The following TACC2 variants were observed in gnomAD, a reference collection of about 807,000 sequenced individuals.
TACC2 encodes the protein transforming acidic coiled-coil containing protein 2.
TACC2 carries 137 observed loss-of-function variants against 227.3 expected under a neutral mutation model. The observed-to-expected ratio is 0.60, with a 90% confidence interval of 0.52 to 0.69. The LOEUF (loss-of-function observed/expected upper bound fraction) is 0.69. Ranked by LOEUF, TACC2 falls within the 30% of genes least tolerant of loss-of-function variation. The pLI is 0.00. For missense variants in TACC2, 3,470 were observed against 3,694.4 expected (o/e 0.94, Z 1.57); for synonymous variants, 1,523 against 1,487.5 (o/e 1.02, Z -0.55).
At chr10:122,009,005 A>G (rs911015553) in intron 1 of TACC2, among the ~76,000 whole-genome samples, 3 of 152,214 alleles carry the variant, frequency 2.0e-5, no homozygotes, top group African/African-American at 7.2e-5. Flanking sequence ...TGCTAGACCA[A>G]TGTAGGCCCT....
intron 7 of TACC2, among the ~76,000 whole-genome samples, chr10:122,178,318 C>G (rs538320626): frequency 3.4e-4 from 51 of 151,016 alleles, no homozygotes; most frequent in South Asian, 6.3e-4. Context: ...TTCACTGCAA[C>G]CTCCACCTCC....
At position 122,007,416 on chromosome 10, in the gene TACC2, G is replaced by A. The variant is rs144277556; in HGVS notation, c.-45-14521G>A. Reference sequence around the variant, plus strand: ...AATATTTTATTCTGTTTGGAGTGCTGAGTTAGAATTTTGTTCCTCTTCATA... The same window carrying A: ...AATATTTTATTCTGTTTGGAGTGCTAAGTTAGAATTTTGTTCCTCTTCATA... On this transcript the variant is annotated intron_variant, in intron 1 of 22. Coordinates refer to ENST00000369005, the MANE Select transcript of TACC2 (RefSeq NM_206862.4). Among the ~76,000 whole-genome samples, 13 of 152,284 alleles carry A rather than the reference G, an allele frequency of 8.5e-5. No individual in the cohort carries two copies. In the East Asian group the frequency reaches 2.5e-3, roughly 29 times the overall value.
At chr10:122,011,259 G>A (rs1189584837) in intron 1 of TACC2, among the ~76,000 whole-genome samples, 1 of 152,188 alleles carries the variant, frequency 6.6e-6, no homozygotes, top group Non-Finnish European at 1.5e-5. Flanking sequence ...TGGGAAGGGT[G>A]CAGCCAAACT....
At chr10:122,145,617 A>AT (rs1258983883) in intron 7 of TACC2, among the ~76,000 whole-genome samples, 1 of 152,176 alleles carries the variant, frequency 6.6e-6, no homozygotes, top group Non-Finnish European at 1.5e-5. Flanking sequence ...GAATTTTACT[A>AT]TTTTTTGGTA....
At chr10:122,164,743 A>C (rs2093048847) in intron 7 of TACC2, among the ~76,000 whole-genome samples, 1 of 152,178 alleles carries the variant, frequency 6.6e-6, no homozygotes. Flanking sequence ...GCCGGGTCGC[A>C]TTTCAGCAAC....
intron 6 of TACC2, among the ~76,000 whole-genome samples, chr10:122,136,810 T>G (rs1321761748): frequency 6.6e-6 from 1 of 152,150 alleles, no homozygotes; most frequent in Middle Eastern, 3.4e-3. Context: ...TGCCTTGGCC[T>G]CCCAAAGTGC....
intron 7 of TACC2, among the ~76,000 whole-genome samples, chr10:122,153,324 A>C (rs1367179614): frequency 6.6e-6 from 1 of 152,184 alleles, no homozygotes; most frequent in African/African-American, 2.4e-5. Context: ...TGTGCATAAC[A>C]GTCCTGTCAG....
rs539470034 is a variant in TACC2, at chr10:122,055,291, G to A, written c.146+4741G>A. On this transcript the variant is annotated intron_variant, in intron 3 of 22. Coordinates refer to ENST00000369005, the MANE Select transcript of TACC2 (RefSeq NM_206862.4). Reference sequence around the variant, plus strand: ...ATGAGGTATGGGAGCGTCGTTACACGTGTGGGGTAGAGCACAGAGTGCACA... The same window carrying A: ...ATGAGGTATGGGAGCGTCGTTACACATGTGGGGTAGAGCACAGAGTGCACA... 2.1e-3 allele frequency among the ~76,000 whole-genome samples: 313 copies of A among 152,262 alleles called. 4 individuals carry two copies. Among genetic ancestry groups the A allele is most frequent in the Non-Finnish European group, 3.0e-3 (205 of 68,014 alleles).
chr10:122,079,978 T>G (rs2079262744), intron 3 of TACC2, among the ~76,000 whole-genome samples: 1 of 152,228 alleles, frequency 6.6e-6, no homozygotes, highest in Non-Finnish European at 1.5e-5. Context: ...AATACCCACC[T>G]GTCTATGGTA....
At chr10:122,186,053 C>G (rs140587614) in intron 7 of TACC2, among the ~76,000 whole-genome samples, 13 of 151,970 alleles carry the variant, frequency 8.6e-5, no homozygotes, top group African/African-American at 3.1e-4. Flanking sequence ...CTCAGCCTCC[C>G]GAGTAGCTGG....
intron 10 of TACC2, 73 bp from the exon 11 acceptor site, chr10:122,216,554 C>T: frequency 1.3e-6 from 2 of 1,523,414 alleles, no homozygotes; most frequent in Non-Finnish European, 1.8e-6. Flanking sequence ...AATGGGTCCC[C>T]AGACCTGAGG....
chr10:122,118,489 T>C (rs901204143), intron 5 of TACC2, among the ~76,000 whole-genome samples: 3 of 152,178 alleles, frequency 2.0e-5, no homozygotes, highest in African/African-American at 7.2e-5. Context: ...GTACCTTGTA[T>C]TGTGTTTGGC....
At chr10:122,102,774 G>A (rs11818984) in intron 5 of TACC2, among the ~76,000 whole-genome samples, 36,604 of 152,040 alleles carry the variant, frequency 0.24, 4,698 homozygotes, top group East Asian at 0.48. Context: ...TGTGAACTGG[G>A]CTCTGTGTGC....
intron 3 of TACC2, among the ~76,000 whole-genome samples, chr10:122,062,883 A>G (rs565135034): frequency 2.0e-4 from 31 of 152,290 alleles, no homozygotes; most frequent in African/African-American, 7.0e-4. Flanking sequence ...GGCTACACAC[A>G]TCACCTCACC....
intron 2 of TACC2, among the ~76,000 whole-genome samples, chr10:122,041,605 C>A (rs1233006516): frequency 1.3e-5 from 2 of 152,170 alleles, no homozygotes; most frequent in African/African-American, 2.4e-5. Flanking sequence ...CACCGCCATG[C>A]CTGGCTACTT....
intron 5 of TACC2, among the ~76,000 whole-genome samples, chr10:122,119,513 C>T (rs894446074): frequency 9.2e-5 from 14 of 152,166 alleles, no homozygotes; most frequent in African/African-American, 1.7e-4. Flanking sequence ...GGGGCTGGTC[C>T]GTTCAGCTGG....
rs773937174 is a variant in TACC2 at position 122,087,640 on chromosome 10, G to A, written c.5140G>A (p.Ala1714Thr). 1 of 1,613,444 alleles carries A rather than the reference G, an allele frequency of 6.2e-7. No individual in the cohort carries two copies. Among genetic ancestry groups the A allele is most frequent in the Non-Finnish European group, 8.5e-7 (1 of 1,180,008 alleles). Reference sequence around the variant, plus strand: ...AGAGGGTGACATCACCCTGAGCACAGCTGAGACACAGGCATGTGCGTCCGG... The same window carrying A: ...AGAGGGTGACATCACCCTGAGCACAACTGAGACACAGGCATGTGCGTCCGG... Reference protein sequence around the residue: ...EAEGDITLSTAETQACASGDL... With the variant: ...EAEGDITLSTTETQACASGDL... Residue 1714 changes from alanine to threonine, a missense_variant, in exon 4 of 23, where the codon GCT (alanine) becomes ACT (threonine). Ala to Thr is a moderately conservative substitution (Grantham distance 58, BLOSUM62 0). Transcript: ENST00000369005.
intron 2 of TACC2, among the ~76,000 whole-genome samples, chr10:122,024,137 G>A (rs1237558109): frequency 6.6e-6 from 1 of 152,170 alleles, no homozygotes; most frequent in Non-Finnish European, 1.5e-5. Flanking sequence ...GGAGGCCGAG[G>A]CAGGAGGATA....
chr10:122,199,611 C>A (rs1309122597), intron 8 of TACC2, among the ~76,000 whole-genome samples: 1 of 152,178 alleles, frequency 6.6e-6, no homozygotes, highest in African/African-American at 2.4e-5. Flanking sequence ...CCTGCTATGA[C>A]CTGGGCCAGG....
Sources: allele counts gnomAD v4.1 joint callset (sites outside exome capture counted in the v4.1 genomes callset), GRCh38; gene constraint gnomAD v4.1.1; transcripts MANE v1.5; gene names NCBI Gene and HGNC (gene_info 2026-07-23, HGNC 2026-07-21).